Variants in RPL22 observed in about 807,000 individuals in gnomAD.
RPL22 encodes ribosomal protein L22.
In RPL22, 4 loss-of-function variants were observed where a neutral mutation model predicts 16.2. The ratio of observed to expected loss-of-function variants is 0.25; its 90% CI spans 0.12 to 0.57. The LOEUF (loss-of-function observed/expected upper bound fraction) is 0.57. Ranked by LOEUF, RPL22 falls within the 20% of genes least tolerant of loss-of-function variation. RPL22 has a pLI of 0.92. For synonymous variants in RPL22, 43 were observed against 54.8 expected, an observed-to-expected ratio of 0.78 and a Z score of 0.95; for missense variants, 83 against 156.1, an observed-to-expected ratio of 0.53 and a Z score of 2.49.
At chr1:6,193,810 A>G (rs1321915674) in intron 2 of RPL22, among the ~76,000 whole-genome samples, 3 of 152,192 alleles carry the variant, frequency 2.0e-5, no homozygotes, top group African/African-American at 7.2e-5. Context: ...TCCCATTTAC[A>G]TACATACTAT....
Position 6,185,356 on chromosome 1 carries a change from G to A in RPL22, c.*1316C>T. 2.5e-6 allele frequency: 1 copy of A among 399,082 alleles called. No homozygotes were observed. The highest frequency in any genetic ancestry group is 4.4e-6 in the Non-Finnish European group (1 of 226,072). The allele number at this position is 399,082 out of a possible 1,614,324, so 24.7% of individuals were successfully genotyped here. The stretch of plus-strand genomic sequence containing the variant: ...AAGTTTGAAAGAAACTCTGCTTTCT[G>A]TGACGGCAGAGAAGAAATATGCAAG... On this transcript the variant is annotated 3_prime_UTR_variant, in exon 4 of 4. Coordinates refer to ENST00000234875, the MANE Select transcript of RPL22 (RefSeq NM_000983.4).
intron 1 of RPL22, 30 bp from the exon 2 acceptor site, chr1:6,197,786 T>TG: frequency 2.7e-6 from 4 of 1,472,674 alleles, no homozygotes. Flanking sequence ...ATAACAGAGA[T>TG]GAAGTTTCAG....
Position 6,185,153 on chromosome 1 carries a change from CT to C in RPL22, c.*1518del, listed in dbSNP as rs1052647123. 5.1e-6 allele frequency: 2 copies of C among 394,824 alleles called. No individual in the cohort carries two copies. Among genetic ancestry groups the C allele is most frequent in the Non-Finnish European group, 8.9e-6 (2 of 224,356 alleles). The allele number at this position is 394,824 out of a possible 1,614,324, so 24.5% of individuals were successfully genotyped here. ...AAGTTTTCAAATCTGGGACTAGTTT[CT>C]TTTTTTCTTTTAACTGAAATGCCAA... On this transcript the variant is annotated 3_prime_UTR_variant, in exon 4 of 4. Coordinates refer to ENST00000234875, the MANE Select transcript of RPL22 (RefSeq NM_000983.4).
At chr1:6,194,441 T>G (rs1398097129) in intron 2 of RPL22, among the ~76,000 whole-genome samples, 1 of 152,214 alleles carries the variant, frequency 6.6e-6, no homozygotes, top group Non-Finnish European at 1.5e-5. Flanking sequence ...TGCAAACTAC[T>G]GTGTGGGCCT....
intron 2 of RPL22, among the ~76,000 whole-genome samples, chr1:6,196,121 G>A (rs1265719919): frequency 6.6e-6 from 1 of 152,172 alleles, no homozygotes. Context: ...CATAGATGGG[G>A]CACAGAGTGA....
Position 6,186,214 on chromosome 1 carries a change from C to T in RPL22, c.*458G>A, listed in dbSNP as rs540936930. 2 of 236,762 alleles carry T rather than the reference C, an allele frequency of 8.4e-6. No homozygotes were observed. The highest frequency in any genetic ancestry group is 1.7e-5 in the Non-Finnish European group (2 of 120,736). The allele number at this position is 236,762 out of a possible 1,614,324, so 14.7% of individuals were successfully genotyped here. A position where few individuals can be genotyped will look rare whatever the true frequency, so the allele number is the denominator to read the frequency against. ...TTGTAATCAAAAAATGAAAGTAAGA[C>T]GAATGGCCCAGAAACCCGCATTTTA... On this transcript the variant is annotated 3_prime_UTR_variant, in exon 4 of 4. Coordinates refer to ENST00000234875, the MANE Select transcript of RPL22 (RefSeq NM_000983.4).
chr1:6,186,609 C>A lies in RPL22; in HGVS notation c.*63G>T, dbSNP rs1384722520. 113 of 1,139,954 alleles carry A rather than the reference C, an allele frequency of 9.9e-5. No homozygotes were observed. Among genetic ancestry groups the A allele is most frequent in the Non-Finnish European group, 1.4e-4 (111 of 813,650 alleles). 70.6% of individuals were successfully genotyped at this position (1,139,954 alleles called of 1,614,324 possible). On this transcript the variant is annotated 3_prime_UTR_variant, in exon 4 of 4. Transcript: ENST00000234875. ...CACACTGCAGAGATACAAGGATAAA[C>A]CACCATTTTGGTTCCCAAGTTTTAT...
At chr1:6,189,946 T>C (rs1159692700) in intron 3 of RPL22, among the ~76,000 whole-genome samples, 1 of 152,070 alleles carries the variant, frequency 6.6e-6, no homozygotes, top group Non-Finnish European at 1.5e-5. Context: ...ATAAAAACCC[T>C]GTACAAATTC....
chr1:6,199,365 C>A lies in RPL22; in HGVS notation c.12+197G>T. ...TCCGAGACCTCCCGGATCTCCCTCA[C>A]GAGCCTCGGGCCGCGGCCTCCTCCG... On this transcript the variant is annotated intron_variant, in intron 1 of 3. Coordinates refer to ENST00000234875, the MANE Select transcript of RPL22 (RefSeq NM_000983.4). 3.0e-6 allele frequency: 4 copies of A among 1,326,106 alleles called. No individual in the cohort carries two copies. The South Asian group carries it at 8.7e-5, about 29-fold the overall frequency. 82.1% of individuals were successfully genotyped at this position (1,326,106 alleles called of 1,614,324 possible).
chr1:6,191,637 T>C (rs1304364742), intron 3 of RPL22, among the ~76,000 whole-genome samples: 5 of 145,784 alleles, frequency 3.4e-5, no homozygotes, highest in Non-Finnish European at 7.4e-5. Flanking sequence ...ATCTCGCCAC[T>C]GCACTCCAGC....
In RPL22 at chr1:6,197,556, T is replaced by G; in HGVS notation, c.117+96A>C. 4 of 766,172 alleles carry G rather than the reference T, an allele frequency of 5.2e-6. No individual in the cohort carries two copies. The South Asian group carries it at 6.3e-5, about 12-fold the overall frequency. 47.5% of individuals were successfully genotyped at this position (766,172 alleles called of 1,614,324 possible). A position where few individuals can be genotyped will look rare whatever the true frequency, so the allele number is the denominator to read the frequency against. ...ATACAGCCAGACCTGTGAAGCTGCC[T>G]ATAAGCCTGAAAACAGAAATGTACC... On this transcript the variant is annotated intron_variant, in intron 2 of 3. Transcript: ENST00000234875.
chr1:6,197,458 A>G (rs1232095610), intron 2 of RPL22, among the ~76,000 whole-genome samples, 194 bp downstream of exon 2: 2 of 152,196 alleles, frequency 1.3e-5, no homozygotes, highest in African/African-American at 2.4e-5. Context: ...ACTCCTCACA[A>G]CTGTTGCACA....
At chr1:6,198,866 G>T (rs972114787) in intron 1 of RPL22, 1 of 152,342 alleles carries the variant, frequency 6.6e-6, no homozygotes, top group South Asian at 2.1e-4. Context: ...AGAAGAACCG[G>T]AAATGTTAAC....
intron 3 of RPL22, among the ~76,000 whole-genome samples, chr1:6,190,311 A>G (rs193216299): frequency 3.7e-4 from 57 of 152,352 alleles, no homozygotes; most frequent in Admixed American, 7.2e-4. Flanking sequence ...ACATAAAAGC[A>G]TTAACTACAA....
In RPL22 at chr1:6,186,798, G is replaced by A. The variant is rs779352419; in HGVS notation, c.261C>T (p.Thr87=). ...PFSKRYLKYL[T]KKYLKKNNLR... is the part of the protein sequence containing the mutation. ...GATTATTCTTCTTCAAATATTTTTT[G>A]GTGAGATATTTCAAATACCTGCAGA... The change falls in exon 4 of 4, where the codon ACC becomes ACT. Residue 87 remains threonine (T), a synonymous_variant. Transcript: ENST00000234875. 6.2e-7 allele frequency: 1 copy of A among 1,612,872 alleles called. No homozygotes were observed. Among genetic ancestry groups the A allele is most frequent in the Admixed American group, 1.7e-5 (1 of 59,760 alleles).
intron 1 of RPL22, chr1:6,198,170 G>A: frequency 5.1e-6 from 1 of 194,178 alleles, no homozygotes; most frequent in Admixed American, 5.4e-5. Flanking sequence ...AAAATGCCTT[G>A]CATACCCACA....
At chr1:6,189,391 A>G (rs1667620407) in intron 3 of RPL22, among the ~76,000 whole-genome samples, 2 of 152,124 alleles carry the variant, frequency 1.3e-5, no homozygotes, top group African/African-American at 2.4e-5. Context: ...TCAAAATTTC[A>G]GGTGGTTGAA....
intron 3 of RPL22, among the ~76,000 whole-genome samples, chr1:6,189,567 G>GA (rs1340397797): frequency 0.01 from 1,264 of 121,108 alleles, 16 homozygotes; most frequent in African/African-American, 0.036. Context: ...TAAAAAAAAG[G>GA]AAAAAAAAAA....
At chr1:6,199,490 G>A (rs1449925755) in intron 1 of RPL22, 72 bp downstream of exon 1, 6 of 1,540,586 alleles carry the variant, frequency 3.9e-6, no homozygotes, top group Admixed American at 2.0e-5. Flanking sequence ...CAGCGAGCCT[G>A]GGTAGATGCC....
Sources: allele counts gnomAD v4.1 joint callset (sites outside exome capture counted in the v4.1 genomes callset), GRCh38; gene constraint gnomAD v4.1.1; transcripts MANE v1.5; gene names NCBI Gene and HGNC (gene_info 2026-07-23, HGNC 2026-07-21).